The following ARHGAP20 variants were observed in gnomAD, a reference collection of about 807,000 sequenced individuals.
ARHGAP20 encodes the protein Rho GTPase activating protein 20.
ARHGAP20 carries 34 observed loss-of-function variants against 73.7 expected under a neutral mutation model. The ratio of observed to expected loss-of-function variants is 0.46; its 90% CI spans 0.35 to 0.61. The LOEUF is 0.61. Among genes scored for constraint, ARHGAP20 ranks in the 20% least tolerant of loss-of-function variants. The pLI, the probability that ARHGAP20 is intolerant of heterozygous loss-of-function variation, is 0.00. For synonymous variants in ARHGAP20, 523 were observed against 518.2 expected, an observed-to-expected ratio of 1.01 and a Z score of -0.13; for missense variants, 1,314 against 1,420.9, an observed-to-expected ratio of 0.92 and a Z score of 1.21.
intron 2 of ARHGAP20, among the ~76,000 whole-genome samples, chr11:110,660,717 C>A (rs555713172): frequency 6.6e-6 from 1 of 152,174 alleles, no homozygotes; most frequent in African/African-American, 2.4e-5. Context: ...TGAATATTTT[C>A]AATGCCTTAG....
intron 2 of ARHGAP20, among the ~76,000 whole-genome samples, chr11:110,639,244 C>T (rs1346956009): frequency 6.7e-6 from 1 of 150,288 alleles, no homozygotes; most frequent in Non-Finnish European, 1.5e-5. Context: ...CGATACCCCC[C>T]CCCCACAAGA....
At chr11:110,583,911 A>C (rs1947544102) in intron 12 of ARHGAP20, among the ~76,000 whole-genome samples, 174 bp from the exon 13 acceptor site, 1 of 152,156 alleles carries the variant, frequency 6.6e-6, no homozygotes, top group South Asian at 2.1e-4. Context: ...AGAAAGAAAA[A>C]ATAGGCATTG....
At chr11:110,656,843 A>T (rs762587473) in intron 2 of ARHGAP20, among the ~76,000 whole-genome samples, 7 of 152,166 alleles carry the variant, frequency 4.6e-5, no homozygotes, top group Admixed American at 6.5e-5. Flanking sequence ...TGTTCTGGGG[A>T]TCCCAGTTAC....
chr11:110,607,107 A>C lies in ARHGAP20; in HGVS notation c.776-358T>G, dbSNP rs144740073. On this transcript the variant is annotated intron_variant, in intron 8 of 14. Transcript: ENST00000683387. ...TCCTTTGACATTAACTAGATATATA[A>C]ATTTTCAGCAAATACATGTCCTTGC... 3.4e-3 allele frequency among the ~76,000 whole-genome samples: 512 copies of C among 152,278 alleles called. 5 individuals carry two copies. The highest frequency in any genetic ancestry group is 0.012 in the African/African-American group (493 of 41,560).
intron 2 of ARHGAP20, among the ~76,000 whole-genome samples, chr11:110,654,302 C>T (rs142500611): frequency 1.3e-5 from 2 of 152,230 alleles, no homozygotes; most frequent in Non-Finnish European, 2.9e-5. Flanking sequence ...AGTAGTCACC[C>T]ATTGAACACC....
chr11:110,618,501 G>A lies in ARHGAP20; in HGVS notation c.504-2907C>T, dbSNP rs73553982. 5.0e-3 allele frequency among the ~76,000 whole-genome samples: 764 copies of A among 152,286 alleles called. 5 individuals are homozygous for A. Among genetic ancestry groups the A allele is most frequent in the African/African-American group, 0.018 (736 of 41,548 alleles). ...CCCATTCTTTCATACCGTTATTTGTGAAATCAAGGTGCAGCACCTATTTTT... is the reference window on the plus strand; with the variant it reads ...CCCATTCTTTCATACCGTTATTTGTAAAATCAAGGTGCAGCACCTATTTTT... On this transcript the variant is annotated intron_variant, in intron 4 of 14. Coordinates refer to ENST00000683387, the MANE Select transcript of ARHGAP20 (RefSeq NM_001384657.1).
intron 9 of ARHGAP20, among the ~76,000 whole-genome samples, chr11:110,598,111 AC>A (rs1948016238): frequency 6.6e-6 from 1 of 152,178 alleles, no homozygotes; most frequent in Non-Finnish European, 1.5e-5. Context: ...AACCATAACA[AC>A]AAAAAATGTT....
chr11:110,668,344 T>A (rs1356078776), intron 2 of ARHGAP20, among the ~76,000 whole-genome samples: 1 of 152,154 alleles, frequency 6.6e-6, no homozygotes, highest in Non-Finnish European at 1.5e-5. Flanking sequence ...GGTATACAAA[T>A]TGTTTTTTAA....
At chr11:110,644,698 A>T (rs1280182580) in intron 2 of ARHGAP20, among the ~76,000 whole-genome samples, 2 of 152,128 alleles carry the variant, frequency 1.3e-5, no homozygotes, top group Non-Finnish European at 2.9e-5. Flanking sequence ...CTAGAAGAAA[A>T]CCTAGGAAAT....
chr11:110,671,411 G>A (rs933155616), intron 2 of ARHGAP20, among the ~76,000 whole-genome samples: 4 of 152,012 alleles, frequency 2.6e-5, no homozygotes, highest in Non-Finnish European at 5.9e-5. Flanking sequence ...AATGGTGAAA[G>A]ACTGAATATT....
At position 110,684,092 on chromosome 11, in the gene ARHGAP20, A is replaced by G. The variant is rs188857851; in HGVS notation, c.188+6455T>C. 7.9e-5 allele frequency among the ~76,000 whole-genome samples: 12 copies of G among 152,312 alleles called. No individual in the cohort carries two copies. The East Asian group carries it at 2.3e-3, about 29-fold the overall frequency. On this transcript the variant is annotated intron_variant, in intron 2 of 14. Transcript: ENST00000683387. ...CTTGCCAACCTTCAGAACTATGAACAATAAATGTCTAATACTTATATATAA... is the reference window on the plus strand; with the variant it reads ...CTTGCCAACCTTCAGAACTATGAACGATAAATGTCTAATACTTATATATAA...
chr11:110,613,406 G>T (rs951445983), intron 6 of ARHGAP20, among the ~76,000 whole-genome samples: 1 of 152,170 alleles, frequency 6.6e-6, no homozygotes, highest in African/African-American at 2.4e-5. Context: ...ACTTTAGACA[G>T]CAAAGGACAG....
intron 4 of ARHGAP20, among the ~76,000 whole-genome samples, chr11:110,621,974 C>T (rs550143172): frequency 6.6e-6 from 1 of 152,320 alleles, no homozygotes; most frequent in Non-Finnish European, 1.5e-5. Flanking sequence ...TCAGTCTTAG[C>T]TTCAAGATGC....
At chr11:110,583,314 A>G (rs1318268206) in intron 13 of ARHGAP20, among the ~76,000 whole-genome samples, 2 of 152,060 alleles carry the variant, frequency 1.3e-5, no homozygotes, top group African/African-American at 4.8e-5. Context: ...CTGCTTTATC[A>G]CTTTATGGTT....
At chr11:110,619,723 G>A (rs896898758) in intron 4 of ARHGAP20, among the ~76,000 whole-genome samples, 1 of 151,608 alleles carries the variant, frequency 6.6e-6, no homozygotes, top group Non-Finnish European at 1.5e-5. Context: ...TAGAGTATAT[G>A]TAGTGATAGA....
In ARHGAP20 at chr11:110,580,350, T is replaced by C; in HGVS notation, c.2596A>G (p.Lys866Glu). 2 of 1,614,244 alleles carry C rather than the reference T, an allele frequency of 1.2e-6. No homozygotes were observed. The highest frequency in any genetic ancestry group is 2.7e-5 in the African/African-American group (2 of 75,070). ...KLTYLRGIYS[K>E]KQHKTSCEAG... ...TCACAGCTGGTTTTATGTTGTTTCTTTGAATAAATTCCCCTGAGATAGGTC... is the reference window on the plus strand; with the variant it reads ...TCACAGCTGGTTTTATGTTGTTTCTCTGAATAAATTCCCCTGAGATAGGTC... Residue 866 changes from lysine (K) to glutamate (E), a missense_variant, in exon 15 of 15, where the codon AAG (lysine) becomes GAG (glutamate). Lys to Glu is a moderately conservative substitution (Grantham distance 56, BLOSUM62 1). Around this residue, in one of 3 missense-constraint regions of ARHGAP20, gnomAD observed 641 missense variants for 636.9 expected, o/e 1.01. Transcript: ENST00000683387.
intron 2 of ARHGAP20, among the ~76,000 whole-genome samples, chr11:110,637,411 C>T (rs1313014373): frequency 6.6e-6 from 1 of 152,170 alleles, no homozygotes; most frequent in East Asian, 1.9e-4. Flanking sequence ...AAAATTTACC[C>T]ATTTCTCAAA....
chr11:110,657,920 G>GGA (rs1320774558), intron 2 of ARHGAP20, among the ~76,000 whole-genome samples: 2 of 134,056 alleles, frequency 1.5e-5, no homozygotes, highest in African/African-American at 5.8e-5. Flanking sequence ...AAAAGAGAGA[G>GGA]AGGAAGGAAG....
At position 110,579,498 on chromosome 11, in the gene ARHGAP20, A is replaced by G. The variant is rs959288824; in HGVS notation, c.3448T>C (p.Ser1150Pro). 1.2e-6 allele frequency: 2 copies of G among 1,614,012 alleles called. No homozygotes were observed. The highest frequency in any genetic ancestry group is 2.7e-5 in the African/African-American group (2 of 74,908). ...CTTTCCCAAGGCAGAGAACCAGAAG[A>G]GCTCTGACTACCAGGCTCTATTTCC... ...HEEIEPGSQS[S>P]SGSLPWERAS... The change falls in exon 15 of 15, where the codon TCT (serine) becomes CCT (proline). Residue 1150 changes from serine to proline, a missense_variant. By Grantham distance (74) the Ser-to-Pro change is moderately conservative (BLOSUM62 -1). Transcript: ENST00000683387.
Sources: allele counts gnomAD v4.1 joint callset (sites outside exome capture counted in the v4.1 genomes callset), GRCh38; gene constraint gnomAD v4.1.1; regional missense constraint gnomAD v4.1.1; transcripts MANE v1.5; gene names NCBI Gene and HGNC (gene_info 2026-07-23, HGNC 2026-07-21).